The following LRP1B variants were observed in gnomAD, a reference collection of about 807,000 sequenced individuals.
LRP1B encodes low-density lipoprotein receptor-related protein 1B.
In LRP1B, 217 loss-of-function variants were observed where a neutral mutation model predicts 556.6. That is an observed-to-expected ratio of 0.39 (90% confidence interval 0.35 to 0.44). The LOEUF (loss-of-function observed/expected upper bound fraction) is 0.44, where lower values mean the gene tolerates loss of function less well. Ranked by LOEUF, LRP1B falls within the 20% of genes least tolerant of loss-of-function variation. LRP1B has a pLI of 1.00. For synonymous variants in LRP1B, 2,047 were observed against 1,865.8 expected, an observed-to-expected ratio of 1.10 and a Z score of -2.50; for missense variants, 5,053 against 5,620.8, an observed-to-expected ratio of 0.90 and a Z score of 3.23.
At position 140,541,048 on chromosome 2, in the gene LRP1B, G is replaced by T. The variant is rs2105017050; in HGVS notation, c.7438C>A (p.Leu2480Ile). ...TTCACTCTCCCATTGGGAGTTAAAA[G>T]GCACAAGTCATGGCAGCCTCCATTC... ...LLNGGCHDLC[L>I]LTPNGRVNCS... The change falls in exon 45 of 91, where the codon CTT (leucine) becomes ATT (isoleucine). Residue 2480 changes from leucine (L) to isoleucine (I), a missense_variant. Physicochemically the swap from Leu to Ile is conservative, Grantham distance 5. This residue lies in a region of LRP1B where 3,619 missense variants were observed against 3,931.9 expected (regional missense o/e 0.92). Coordinates refer to ENST00000389484, the MANE Select transcript of LRP1B (RefSeq NM_018557.3). 1 of 1,611,496 alleles carries T rather than the reference G, an allele frequency of 6.2e-7. No individual in the cohort carries two copies. The highest frequency in any genetic ancestry group is 8.5e-7 in the Non-Finnish European group (1 of 1,178,234).
chr2:141,051,325 C>T (rs1043261658), intron 10 of LRP1B, among the ~76,000 whole-genome samples: 4 of 152,008 alleles, frequency 2.6e-5, no homozygotes, highest in African/African-American at 7.2e-5. Flanking sequence ...GATACATGCA[C>T]ATGTATGCTT....
intron 2 of LRP1B, among the ~76,000 whole-genome samples, chr2:141,553,748 TATATA>T (rs1430651061): frequency 1.7e-4 from 24 of 137,664 alleles, no homozygotes; most frequent in African/African-American, 5.8e-4. Context: ...ATATATAAAA[TATATA>T]ATATATTATA....
At chr2:141,696,292 T>C (rs2105453864) in intron 2 of LRP1B, among the ~76,000 whole-genome samples, 1 of 151,972 alleles carries the variant, frequency 6.6e-6, no homozygotes, top group South Asian at 2.1e-4. Flanking sequence ...AAAATACAAA[T>C]ATAAATGACC....
intron 1 of LRP1B, among the ~76,000 whole-genome samples, chr2:141,890,060 C>T (rs963105880): frequency 3.4e-5 from 5 of 148,876 alleles, no homozygotes; most frequent in African/African-American, 1.2e-4. Flanking sequence ...ATCTCTAATT[C>T]TAGCTAGTCT....
intron 7 of LRP1B, among the ~76,000 whole-genome samples, chr2:141,115,394 CCATTCCAAGAA>C (rs767698622): frequency 1.1e-4 from 16 of 151,876 alleles, no homozygotes; most frequent in Non-Finnish European, 1.8e-4. Flanking sequence ...CAGGCTCATC[CCATTCCAAGAA>C]CATTCCAATT....
intron 3 of LRP1B, among the ~76,000 whole-genome samples, chr2:141,412,888 T>C (rs764591983): frequency 6.6e-6 from 1 of 152,000 alleles, no homozygotes; most frequent in Non-Finnish European, 1.5e-5. Context: ...CTGAAATATA[T>C]AAATAAGTTA....
At chr2:142,101,495 A>T (rs1251343227) in intron 1 of LRP1B, among the ~76,000 whole-genome samples, 1 of 152,014 alleles carries the variant, frequency 6.6e-6, no homozygotes, top group African/African-American at 2.4e-5. Flanking sequence ...CAGATATAAA[A>T]CATATATTCA....
chr2:140,546,431 C>T (rs968909279), intron 43 of LRP1B, among the ~76,000 whole-genome samples: 1 of 151,934 alleles, frequency 6.6e-6, no homozygotes, highest in Non-Finnish European at 1.5e-5. Context: ...TTTAATTGAC[C>T]CACAGTTCAG....
rs777474748 is a variant in LRP1B, at chr2:140,352,969, G to C, written c.11634C>G (p.Asn3878Lys). 7.4e-6 allele frequency: 12 copies of C among 1,612,018 alleles called. 2 individuals are homozygous for C. In the South Asian group the frequency reaches 1.3e-4, roughly 18 times the overall value. ...TAATCTTACCTTCTGCTATGCAGGT[G>C]TTATTTCTTTCTTGAAAATTCTGGT... ...VCDQNFQERN[N>K]TCIAEGSEDQ... is the part of the protein sequence containing the mutation. Residue 3878 changes from asparagine (N) to lysine (K), a missense_variant, in exon 76 of 91, where the codon AAC (asparagine) becomes AAG (lysine). Physicochemically the swap from Asn to Lys is moderately conservative, Grantham distance 94. Coordinates refer to ENST00000389484, the MANE Select transcript of LRP1B (RefSeq NM_018557.3).
At chr2:141,801,485 A>C (rs187679501) in intron 2 of LRP1B, among the ~76,000 whole-genome samples, 67 of 152,242 alleles carry the variant, frequency 4.4e-4, no homozygotes, top group African/African-American at 1.6e-3. Context: ...ATAGCTTTGC[A>C]AAGATAGCCG....
intron 1 of LRP1B, among the ~76,000 whole-genome samples, chr2:141,978,274 G>T (rs1361381759): frequency 6.6e-6 from 1 of 151,964 alleles, no homozygotes; most frequent in Non-Finnish European, 1.5e-5. Context: ...AAAACCTAAT[G>T]TGATTTTGCT....
chr2:140,306,636 T>C (rs952087445), intron 83 of LRP1B, among the ~76,000 whole-genome samples: 10 of 151,510 alleles, frequency 6.6e-5, no homozygotes, highest in African/African-American at 2.4e-4. Flanking sequence ...TTTTTAAGGG[T>C]TTTTTGTGCC....
At chr2:140,812,866 C>T (rs1690975949) in intron 32 of LRP1B, among the ~76,000 whole-genome samples, 2 of 151,998 alleles carry the variant, frequency 1.3e-5, no homozygotes, top group South Asian at 4.1e-4. Flanking sequence ...TTAGCCAATC[C>T]TCACACCCCT....
chr2:141,030,792 T>A (rs551054284), intron 11 of LRP1B, among the ~76,000 whole-genome samples: 1 of 151,872 alleles, frequency 6.6e-6, no homozygotes, highest in South Asian at 2.1e-4. Flanking sequence ...TTCTTTCCAA[T>A]TGCATAGGAA....
In LRP1B at chr2:140,246,577, C is replaced by A. The variant is rs537897897; in HGVS notation, c.13324+509G>T. On this transcript the variant is annotated intron_variant, in intron 87 of 90. Transcript: ENST00000389484. Reference sequence around the variant, plus strand: ...TCTATATTTTAATATACTTCAAAACCAATACTTTAAAGATAAAGAAGCAAT... The same window carrying A: ...TCTATATTTTAATATACTTCAAAACAAATACTTTAAAGATAAAGAAGCAAT... Among the ~76,000 whole-genome samples the A allele has an allele frequency of 8.6e-3, 366 of 42,794 alleles. 2 individuals carry two copies. Among genetic ancestry groups the A allele is most frequent in the African/African-American group, 0.013 (340 of 26,112 alleles). 28.1% of individuals were successfully genotyped at this position (42,794 alleles called of 152,430 possible). A position where few individuals can be genotyped will look rare whatever the true frequency, so the allele number is the denominator to read the frequency against.
chr2:140,682,804 G>A (rs1685909518), intron 41 of LRP1B, among the ~76,000 whole-genome samples: 1 of 152,020 alleles, frequency 6.6e-6, no homozygotes, highest in African/African-American at 2.4e-5. Flanking sequence ...TGTTTAACCT[G>A]AGACAAGAGA....
At chr2:141,671,704 T>TA in intron 2 of LRP1B, among the ~76,000 whole-genome samples, 1 of 152,274 alleles carries the variant, frequency 6.6e-6, no homozygotes, top group Middle Eastern at 3.4e-3. Context: ...AGCAAAGACT[T>TA]ACTCAATTTT....
At chr2:142,107,794 ATTTTTTTTTT>A (rs67962280) in intron 1 of LRP1B, among the ~76,000 whole-genome samples, 14 of 110,564 alleles carry the variant, frequency 1.3e-4, no homozygotes, top group Admixed American at 2.1e-4. Context: ...CGCCTAGCTA[ATTTTTTTTTT>A]TTTTTTTTTT....
chr2:140,530,290 T>C (rs1318021358), intron 47 of LRP1B, among the ~76,000 whole-genome samples: 3 of 152,030 alleles, frequency 2.0e-5, no homozygotes, highest in African/African-American at 7.2e-5. Flanking sequence ...ACTGCATCTC[T>C]TCATTGCACT....
Sources: allele counts gnomAD v4.1 joint callset (sites outside exome capture counted in the v4.1 genomes callset), GRCh38; gene constraint gnomAD v4.1.1; regional missense constraint gnomAD v4.1.1; transcripts MANE v1.5; gene names NCBI Gene and HGNC (gene_info 2026-07-23, HGNC 2026-07-21).